Variants in PTPRT observed in about 807,000 individuals in gnomAD.
The protein encoded by PTPRT is receptor-type tyrosine-protein phosphatase T.
In PTPRT, 56 loss-of-function variants were observed where a neutral mutation model predicts 176.8. The observed-to-expected ratio is 0.32, with a 90% CI of 0.26 to 0.40. The LOEUF (loss-of-function observed/expected upper bound fraction) is 0.40. Ranked by LOEUF, PTPRT falls within the 10% of genes least tolerant of loss-of-function variation. The probability of loss-of-function intolerance (pLI) is 1.00; values close to 1 mark genes in which losing one functional copy is unlikely to be tolerated. For synonymous variants in PTPRT, 783 were observed against 739.0 expected, an observed-to-expected ratio of 1.06 and a Z score of -0.96; for missense variants, 1,540 against 1,908.2, an observed-to-expected ratio of 0.81 and a Z score of 3.60.
chr20:42,601,554 A>G (rs889248718), intron 7 of PTPRT, among the ~76,000 whole-genome samples: 17 of 152,162 alleles, frequency 1.1e-4, no homozygotes. Flanking sequence ...CAAGACTTGT[A>G]ATTCTCAGAC....
In PTPRT at chr20:42,081,026, G is replaced by A; in HGVS notation, c.4273-94C>T. The A allele has an allele frequency of 3.7e-6, 4 of 1,070,196 alleles. No homozygotes were observed. In the South Asian group the frequency reaches 5.6e-5, roughly 15 times the overall value. The allele number at this position is 1,070,196 out of a possible 1,614,324, so 66.3% of individuals were successfully genotyped here. On this transcript the variant is annotated intron_variant, in intron 30 of 30. Transcript: ENST00000373187. The stretch of plus-strand genomic sequence containing the variant: ...AAAATGCATTTAGTTTAGAGATACA[G>A]ATTTTGGAGAAAACTTTTTCTATAT...
In PTPRT at chr20:42,461,885, T is replaced by C. The variant is rs191834400; in HGVS notation, c.1450+10381A>G. ...GGGTGTTTCTGGGTTTTTTTTTTAA[T>C]CTTTTTAAAGATGGGAGAAATACAG... On this transcript the variant is annotated intron_variant, in intron 8 of 30. Transcript: ENST00000373187. Among the ~76,000 whole-genome samples, 273 of 151,756 alleles carry C rather than the reference T, an allele frequency of 1.8e-3. 1 individual carries two copies. Among genetic ancestry groups the C allele is most frequent in the African/African-American group, 6.4e-3 (263 of 41,386 alleles).
chr20:42,122,778 C>G (rs1160128684), intron 19 of PTPRT, among the ~76,000 whole-genome samples: 1 of 152,176 alleles, frequency 6.6e-6, no homozygotes, highest in Non-Finnish European at 1.5e-5. Flanking sequence ...TGCAGTAGCT[C>G]CCTATTGTCT....
At chr20:42,233,445 A>G (rs1046288813) in intron 15 of PTPRT, among the ~76,000 whole-genome samples, 3 of 152,176 alleles carry the variant, frequency 2.0e-5, no homozygotes, top group Admixed American at 2.0e-4. Context: ...TTTCTTTCCC[A>G]TTAAATAGGG....
intron 13 of PTPRT, among the ~76,000 whole-genome samples, chr20:42,277,597 G>C (rs1006227713): frequency 6.6e-6 from 1 of 152,146 alleles, no homozygotes; most frequent in Non-Finnish European, 1.5e-5. Context: ...AGGACTGATG[G>C]GCAGAAAAAT....
At chr20:42,912,586 G>T (rs924199474) in intron 1 of PTPRT, among the ~76,000 whole-genome samples, 1 of 152,104 alleles carries the variant, frequency 6.6e-6, no homozygotes, top group African/African-American at 2.4e-5. Context: ...CCTACATAGA[G>T]TATCAGATAC....
chr20:42,214,446 C>A (rs1051686991), intron 15 of PTPRT, among the ~76,000 whole-genome samples: 4 of 152,184 alleles, frequency 2.6e-5, no homozygotes, highest in Non-Finnish European at 5.9e-5. Context: ...TTCCCTCCTG[C>A]CCCATCACCC....
chr20:43,009,237 T>C (rs191165475), intron 1 of PTPRT, among the ~76,000 whole-genome samples: 45 of 152,316 alleles, frequency 3.0e-4, no homozygotes, highest in Admixed American at 8.5e-4. Context: ...AGACAATATT[T>C]CATCTCTCAA....
chr20:43,105,154 A>G (rs2012549891), intron 1 of PTPRT, among the ~76,000 whole-genome samples: 1 of 152,146 alleles, frequency 6.6e-6, no homozygotes, highest in Admixed American at 6.5e-5. Context: ...CTAGGTCTGT[A>G]GTAGAAGCAT....
At chr20:42,127,528 T>C (rs1987919780) in intron 19 of PTPRT, among the ~76,000 whole-genome samples, 1 of 152,204 alleles carries the variant, frequency 6.6e-6, no homozygotes, top group Non-Finnish European at 1.5e-5. Context: ...TTTGTTGAGT[T>C]AATAACTCAC....
intron 1 of PTPRT, among the ~76,000 whole-genome samples, chr20:43,115,219 C>T (rs1181971531): frequency 6.6e-6 from 1 of 152,124 alleles, no homozygotes; most frequent in Non-Finnish European, 1.5e-5. Context: ...ATATTCCTGC[C>T]CTAGAAGGCC....
chr20:42,032,095 C>A, the PTPRT span, among the ~76,000 whole-genome samples: 1 of 151,942 alleles, frequency 6.6e-6, no homozygotes. Flanking sequence ...GGCGACTACA[C>A]CAAAGGACAG....
chr20:42,898,769 A>T (rs2079347831), intron 1 of PTPRT, among the ~76,000 whole-genome samples: 1 of 151,672 alleles, frequency 6.6e-6, no homozygotes, highest in South Asian at 2.1e-4. Flanking sequence ...TTGTGAGCAG[A>T]CACTGTGAGA....
At chr20:42,963,097 G>A (rs141932736) in intron 1 of PTPRT, among the ~76,000 whole-genome samples, 1 of 152,300 alleles carries the variant, frequency 6.6e-6, no homozygotes, top group African/African-American at 2.4e-5. Context: ...CTACTCGGGA[G>A]GCTGAGCAGG....
At chr20:42,463,005 CA>C (rs2071045778) in intron 8 of PTPRT, among the ~76,000 whole-genome samples, 1 of 152,138 alleles carries the variant, frequency 6.6e-6, no homozygotes, top group African/African-American at 2.4e-5. Context: ...TTTCTTCTAT[CA>C]CCTGGTAGGT....
At chr20:42,237,231 C>A (rs2056262861) in intron 14 of PTPRT, among the ~76,000 whole-genome samples, 1 of 152,136 alleles carries the variant, frequency 6.6e-6, no homozygotes. Flanking sequence ...GCTCTTTAAG[C>A]CATTAGATTT....
At chr20:42,648,894 C>T (rs1362584831) in intron 7 of PTPRT, among the ~76,000 whole-genome samples, 2 of 144,858 alleles carry the variant, frequency 1.4e-5, no homozygotes, top group African/African-American at 2.6e-5. Flanking sequence ...TCTCAGCTCA[C>T]TGCAAGCTCT....
chr20:42,482,420 T>C (rs185654668), intron 7 of PTPRT, among the ~76,000 whole-genome samples: 3 of 152,280 alleles, frequency 2.0e-5, no homozygotes, highest in East Asian at 1.9e-4. Context: ...TGTAACAGTA[T>C]GGTAAGAGTA....
chr20:43,105,043 T>C (rs1229628500), intron 1 of PTPRT, among the ~76,000 whole-genome samples: 1 of 152,124 alleles, frequency 6.6e-6, no homozygotes, highest in African/African-American at 2.4e-5. Context: ...AAGCAGGCAT[T>C]GTGAGGCAAA....
Sources: gnomAD v4.1 joint callset for allele counts (sites outside exome capture counted in the v4.1 genomes callset) on GRCh38, gnomAD v4.1.1 for gene constraint, MANE v1.5 for transcripts, NCBI Gene and HGNC (gene_info 2026-07-23, HGNC 2026-07-21) for gene names.